Variants in AGMO observed in about 807,000 individuals in gnomAD.
AGMO encodes the protein glyceryl-ether monooxygenase.
A neutral mutation model predicts 60.2 loss-of-function variants in AGMO; 75 were observed. That is an observed-to-expected ratio of 1.25 (90% confidence interval 1.03 to 1.51). The LOEUF is 1.51. Ranked by LOEUF, AGMO falls within the 40% of genes most tolerant of loss-of-function variation. The pLI, the probability that AGMO is intolerant of heterozygous loss-of-function variation, is 0.00. For missense variants in AGMO, 763 were observed against 525.5 expected, an observed-to-expected ratio of 1.45 and a Z score of -4.42; for synonymous variants, 261 against 177.1, an observed-to-expected ratio of 1.47 and a Z score of -3.76.
chr7:15,124,372 T>C, the AGMO span, among the ~76,000 whole-genome samples: 1 of 151,964 alleles, frequency 6.6e-6, no homozygotes, highest in Non-Finnish European at 1.5e-5. Flanking sequence ...CCATAGTCAG[T>C]TTGGATTGCC....
chr7:15,363,323 A>AG (rs1782837537), intron 12 of AGMO, among the ~76,000 whole-genome samples: 1 of 152,168 alleles, frequency 6.6e-6, no homozygotes, highest in African/African-American at 2.4e-5. Flanking sequence ...ATGATCCTTA[A>AG]GTTCATATAA....
intron 12 of AGMO, among the ~76,000 whole-genome samples, chr7:15,348,907 T>C (rs1563101504): frequency 6.6e-6 from 1 of 152,088 alleles, no homozygotes; most frequent in African/African-American, 2.4e-5. Context: ...GTGTCACTAA[T>C]AAAAAAGTAG....
At chr7:15,526,784 A>G (rs1784140328) in intron 3 of AGMO, among the ~76,000 whole-genome samples, 1 of 152,118 alleles carries the variant, frequency 6.6e-6, no homozygotes, top group Non-Finnish European at 1.5e-5. Flanking sequence ...GTGTCTAGCA[A>G]TTTTATCACC....
rs62450359 is a variant in AGMO, at chr7:15,366,241, G to T, written c.1075-19C>A. The T allele has an allele frequency of 0.033, 52,227 of 1,575,962 alleles. 1,096 individuals are homozygous for T. The highest frequency in any genetic ancestry group is 0.054 in the Admixed American group (3,163 of 58,420). On this transcript the variant is annotated intron_variant, in intron 10 of 12. Coordinates refer to ENST00000342526, the MANE Select transcript of AGMO (RefSeq NM_001004320.2). Reference sequence around the variant, plus strand: ...ACAGTGCCTGTCAAACAAACACGGAGATCAATGGAGCCGTTAGAAGAATTG... The same window carrying T: ...ACAGTGCCTGTCAAACAAACACGGATATCAATGGAGCCGTTAGAAGAATTG...
At chr7:15,184,407 G>GCGAA in the AGMO span, among the ~76,000 whole-genome samples, 1 of 63,726 alleles carries the variant, frequency 1.6e-5, no homozygotes, top group Non-Finnish European at 2.8e-5. Context: ...GAGGAAGAAA[G>GCGAA]GGAAGGAAGG....
intron 3 of AGMO, among the ~76,000 whole-genome samples, chr7:15,465,326 AGTGT>A (rs958241358): frequency 6.6e-6 from 1 of 150,728 alleles, no homozygotes; most frequent in Non-Finnish European, 1.5e-5. Flanking sequence ...CCGAAATTAG[AGTGT>A]GTGTGTGCGT....
intron 12 of AGMO, among the ~76,000 whole-genome samples, chr7:15,316,439 C>T (rs566306786): frequency 6.6e-6 from 1 of 152,098 alleles, no homozygotes; most frequent in Non-Finnish European, 1.5e-5. Context: ...GAACAAAGTA[C>T]TCATTGAGTC....
chr7:15,557,550 G>C (rs77400243), intron 2 of AGMO, among the ~76,000 whole-genome samples: 3,510 of 151,800 alleles, frequency 0.023, 113 homozygotes, highest in African/African-American at 0.08. Flanking sequence ...GAGAGGAATG[G>C]ATCCACAGGC....
At chr7:15,438,348 C>T (rs1212872900) in intron 3 of AGMO, among the ~76,000 whole-genome samples, 1 of 151,972 alleles carries the variant, frequency 6.6e-6, no homozygotes, top group Non-Finnish European at 1.5e-5. Flanking sequence ...CAGGTATTAA[C>T]TCATACATTT....
At chr7:15,234,759 T>C (rs1047580400) in intron 12 of AGMO, among the ~76,000 whole-genome samples, 2 of 152,328 alleles carry the variant, frequency 1.3e-5, no homozygotes, top group African/African-American at 4.8e-5. Context: ...AATAAAATTT[T>C]ATGATCACTG....
chr7:15,494,582 C>G (rs1783171852), intron 3 of AGMO, among the ~76,000 whole-genome samples: 1 of 152,134 alleles, frequency 6.6e-6, no homozygotes, highest in South Asian at 2.1e-4. Context: ...GCTCCTGGAC[C>G]ATGTGCCACA....
chr7:15,321,578 G>T (rs1284682463), intron 12 of AGMO, among the ~76,000 whole-genome samples: 1 of 152,072 alleles, frequency 6.6e-6, no homozygotes, highest in Non-Finnish European at 1.5e-5. Context: ...TCTACACTTA[G>T]CATTTGTAGA....
intron 12 of AGMO, among the ~76,000 whole-genome samples, chr7:15,249,511 G>A (rs1335078253): frequency 1.3e-5 from 2 of 152,066 alleles, no homozygotes; most frequent in African/African-American, 2.4e-5. Context: ...CTTGTTTTGA[G>A]GAAATGATGA....
chr7:15,454,875 C>T (rs760792247), intron 3 of AGMO, among the ~76,000 whole-genome samples: 3 of 152,064 alleles, frequency 2.0e-5, no homozygotes, highest in Admixed American at 6.6e-5. Flanking sequence ...TTGACCCAAC[C>T]TTCCCTACCT....
the AGMO span, among the ~76,000 whole-genome samples, chr7:15,125,550 G>C: frequency 6.6e-6 from 1 of 151,890 alleles, no homozygotes; most frequent in Non-Finnish European, 1.5e-5. Context: ...TCTTCCTGTG[G>C]CAATCCTCTC....
At chr7:15,293,457 C>T (rs1784330803) in intron 12 of AGMO, among the ~76,000 whole-genome samples, 1 of 152,024 alleles carries the variant, frequency 6.6e-6, no homozygotes, top group Admixed American at 6.6e-5. Flanking sequence ...TTATTTGCCT[C>T]CAGATGATCT....
chr7:15,424,787 A>G (rs1391725269), intron 4 of AGMO, among the ~76,000 whole-genome samples: 2 of 152,154 alleles, frequency 1.3e-5, no homozygotes, highest in Non-Finnish European at 2.9e-5. Flanking sequence ...TCTTTACTTC[A>G]TGGGGGCTTA....
intron 12 of AGMO, among the ~76,000 whole-genome samples, chr7:15,348,923 A>G (rs925737507): frequency 2.0e-5 from 3 of 152,174 alleles, no homozygotes; most frequent in African/African-American, 7.2e-5. Context: ...AGTAGAAAAT[A>G]GAACCTCAAA....
intron 4 of AGMO, among the ~76,000 whole-genome samples, chr7:15,424,266 T>C (rs1781000020): frequency 6.6e-6 from 1 of 152,156 alleles, no homozygotes; most frequent in Admixed American, 6.6e-5. Flanking sequence ...ACTTCTTACT[T>C]ATCTTTATAT....
Sources: allele counts gnomAD v4.1 joint callset (sites outside exome capture counted in the v4.1 genomes callset), GRCh38; gene constraint gnomAD v4.1.1; transcripts MANE v1.5; gene names NCBI Gene and HGNC (gene_info 2026-07-23, HGNC 2026-07-21).